Variants in RNF185 observed in about 807,000 individuals in gnomAD.
RNF185 encodes E3 ubiquitin-protein ligase RNF185.
RNF185 carries 13 observed loss-of-function variants against 24.9 expected under a neutral mutation model. The ratio of observed to expected loss-of-function variants is 0.52; its 90% CI spans 0.34 to 0.83. The LOEUF is 0.83. Ranked by LOEUF, RNF185 falls within the 40% of genes least tolerant of loss-of-function variation. The pLI, the probability that RNF185 is intolerant of heterozygous loss-of-function variation, is 0.01. For synonymous variants in RNF185, 79 were observed against 90.3 expected, an observed-to-expected ratio of 0.88 and a Z score of 0.71; for missense variants, 184 against 244.7, an observed-to-expected ratio of 0.75 and a Z score of 1.65.
chr22:31,174,665 A>T (rs28529119), intron 1 of RNF185, among the ~76,000 whole-genome samples: 1 of 152,018 alleles, frequency 6.6e-6, no homozygotes, highest in Non-Finnish European at 1.5e-5. Flanking sequence ...GGAGTGAGCC[A>T]CCATTCTTGT....
At chr22:31,195,335 T>C in intron 3 of RNF185, 134 bp from the exon 4 acceptor site, 1 of 578,334 alleles carries the variant, frequency 1.7e-6, no homozygotes, top group Non-Finnish European at 3.1e-6. Context: ...GGGAGTCAGG[T>C]TCCTTGAGAT....
chr22:31,202,808 G>T (rs972591224), intron 6 of RNF185, among the ~76,000 whole-genome samples: 1 of 151,962 alleles, frequency 6.6e-6, no homozygotes, highest in Non-Finnish European at 1.5e-5. Context: ...TAGAGACAGG[G>T]TTTCACTGTG....
chr22:31,198,956 C>T (rs950379603), intron 5 of RNF185, among the ~76,000 whole-genome samples: 1 of 150,374 alleles, frequency 6.7e-6, no homozygotes, highest in Non-Finnish European at 1.5e-5. Context: ...AAAAATTAGC[C>T]GGGTGTGGTG....
chr22:31,192,787 C>T, intron 3 of RNF185, 85 bp downstream of exon 3: 1 of 1,269,872 alleles, frequency 7.9e-7, no homozygotes, highest in Non-Finnish European at 1.2e-6. Flanking sequence ...CTTTCAGAAG[C>T]TGCAATCTGC....
chr22:31,185,203 G>A (rs1396726455), intron 1 of RNF185, among the ~76,000 whole-genome samples: 2 of 152,054 alleles, frequency 1.3e-5, no homozygotes, highest in Admixed American at 6.6e-5. Context: ...TACCCTTCTG[G>A]GACATTATGT....
Position 31,183,950 on chromosome 22 carries a change from C to T in RNF185, c.-48-3097C>T, listed in dbSNP as rs544324691. Among the ~76,000 whole-genome samples, 15 of 118,012 alleles carry T rather than the reference C, an allele frequency of 1.3e-4. No individual in the cohort carries two copies. The East Asian group carries it at 2.6e-3, about 21-fold the overall frequency. 77.4% of individuals were successfully genotyped at this position (118,012 alleles called of 152,430 possible). On this transcript the variant is annotated intron_variant, in intron 1 of 6. Coordinates refer to ENST00000326132, the MANE Select transcript of RNF185 (RefSeq NM_152267.4). ...GGCAGAGGGGCTCCCACCTCCCGGA[C>T]GGGGCAGCTGTCCAGGCGGGGGCTG...
intron 6 of RNF185, among the ~76,000 whole-genome samples, chr22:31,203,207 T>A (rs570654609): frequency 6.6e-6 from 1 of 151,144 alleles, no homozygotes; most frequent in African/African-American, 2.4e-5. Context: ...AATTTGCCCA[T>A]CCTGGACACA....
intron 2 of RNF185, among the ~76,000 whole-genome samples, chr22:31,191,700 CACACA>C (rs2048157232): frequency 6.6e-6 from 1 of 151,958 alleles, no homozygotes; most frequent in Non-Finnish European, 1.5e-5. Flanking sequence ...GGCGTGGTGG[CACACA>C]CCTATAATCC....
chr22:31,174,897 C>T (rs763581601), intron 1 of RNF185, among the ~76,000 whole-genome samples: 9 of 151,528 alleles, frequency 5.9e-5, no homozygotes, highest in African/African-American at 1.9e-4. Flanking sequence ...TGCTGAAACT[C>T]GGCCTCTACG....
chr22:31,190,643 G>A (rs2048147358), intron 2 of RNF185, among the ~76,000 whole-genome samples: 1 of 150,890 alleles, frequency 6.6e-6, no homozygotes, highest in South Asian at 2.1e-4. Context: ...CTGGAGTGCA[G>A]TAGCACTCCA....
chr22:31,171,470 T>C (rs940527501), intron 1 of RNF185, among the ~76,000 whole-genome samples: 12 of 151,960 alleles, frequency 7.9e-5, no homozygotes, highest in African/African-American at 2.9e-4. Context: ...CGTGAGCTAC[T>C]GCACCCAGCC....
chr22:31,194,455 C>T (rs988876501), intron 3 of RNF185, among the ~76,000 whole-genome samples: 2 of 151,926 alleles, frequency 1.3e-5, no homozygotes, highest in African/African-American at 4.8e-5. Flanking sequence ...ATTGGCCGGG[C>T]GCGGTGGCTC....
At chr22:31,197,260 G>T in intron 5 of RNF185, 1 of 323,746 alleles carries the variant, frequency 3.1e-6, no homozygotes, top group Non-Finnish European at 5.7e-6. Context: ...ACAGATGTGT[G>T]TATACTTTTT....
chr22:31,195,651 C>G, intron 4 of RNF185, 70 bp downstream of exon 4: 1 of 933,430 alleles, frequency 1.1e-6, no homozygotes, highest in South Asian at 1.5e-5. Context: ...TTCAGCATCC[C>G]CTAACCCCAC....
At chr22:31,202,572 T>C (rs1324924847) in intron 6 of RNF185, among the ~76,000 whole-genome samples, 1 of 150,968 alleles carries the variant, frequency 6.6e-6, no homozygotes, top group Non-Finnish European at 1.5e-5. Context: ...AGCATCTAGC[T>C]GAGGAATCTC....
intron 1 of RNF185, among the ~76,000 whole-genome samples, chr22:31,181,164 A>G (rs2048032566): frequency 6.6e-6 from 1 of 151,920 alleles, no homozygotes; most frequent in Admixed American, 6.6e-5. Context: ...CCTGGGCAAC[A>G]TAGACCTTGT....
chr22:31,189,603 C>CA (rs2048136483), intron 2 of RNF185, among the ~76,000 whole-genome samples: 1 of 145,062 alleles, frequency 6.9e-6, no homozygotes, highest in Non-Finnish European at 1.5e-5. Flanking sequence ...GGCCCTGTGT[C>CA]AAATTTTTTT....
At chr22:31,200,791 G>C (rs1475099906) in intron 5 of RNF185, among the ~76,000 whole-genome samples, 1 of 152,174 alleles carries the variant, frequency 6.6e-6, no homozygotes, top group African/African-American at 2.4e-5. Flanking sequence ...CTTATAGCAA[G>C]TATATATTAC....
At chr22:31,174,062 G>A (rs1794530285) in intron 1 of RNF185, among the ~76,000 whole-genome samples, 1 of 152,200 alleles carries the variant, frequency 6.6e-6, no homozygotes, top group Non-Finnish European at 1.5e-5. Context: ...CATTTCATGA[G>A]TACTTAACTA....
Sources: gnomAD v4.1 joint callset for allele counts (sites outside exome capture counted in the v4.1 genomes callset) on GRCh38, gnomAD v4.1.1 for gene constraint, MANE v1.5 for transcripts, NCBI Gene and HGNC (gene_info 2026-07-23, HGNC 2026-07-21) for gene names.